ANXA3: variants seen among roughly 807,000 people sequenced by gnomAD.
The protein encoded by ANXA3 is annexin A3.
A neutral mutation model predicts 48.8 loss-of-function variants in ANXA3; 46 were observed. That is an observed-to-expected ratio of 0.94 (90% CI 0.74 to 1.21). The LOEUF (loss-of-function observed/expected upper bound fraction) is 1.21. ANXA3 is among the 50% of genes most tolerant of loss of function. ANXA3 has a pLI of 0.00. For missense variants in ANXA3, 383 were observed against 378.6 expected (o/e 1.01, Z -0.10); for synonymous variants, 128 against 134.7 (o/e 0.95, Z 0.35).
rs1160606186 is a variant in ANXA3 at position 78,591,604 on chromosome 4, C to T, written c.464C>T (p.Ala155Val). 1.2e-6 allele frequency: 2 copies of T among 1,613,402 alleles called. No homozygotes were observed. The highest frequency in any genetic ancestry group is 2.2e-5 in the South Asian group (2 of 91,022). Residue 155 changes from alanine to valine, a missense_variant, in exon 7 of 13, where the codon GCT (alanine) becomes GTT (valine). Coordinates refer to ENST00000264908, the MANE Select transcript of ANXA3 (RefSeq NM_005139.3). ...GAAACATCTGGTGACTTCCGGAAAG[C>T]TCTGTTGACTTTGGCAGATGTAAGG... ...SSETSGDFRKALLTLADGRRD... is the reference protein window; with the variant it reads ...SSETSGDFRKVLLTLADGRRD...
At chr4:78,555,588 CA>C (rs1237659307) in intron 2 of ANXA3, among the ~76,000 whole-genome samples, 1 of 151,794 alleles carries the variant, frequency 6.6e-6, no homozygotes. Context: ...CCTATAATCC[CA>C]GCATTTTGGG....
intron 2 of ANXA3, among the ~76,000 whole-genome samples, chr4:78,566,173 G>T (rs753182762): frequency 5.3e-5 from 8 of 152,084 alleles, no homozygotes; most frequent in Non-Finnish European, 1.2e-4. Context: ...AGGGGTCAAG[G>T]CTTCTTATTA....
At chr4:78,579,699 C>T (rs186213679) in intron 4 of ANXA3, among the ~76,000 whole-genome samples, 114 of 152,162 alleles carry the variant, frequency 7.5e-4, no homozygotes, top group Non-Finnish European at 1.4e-3. Flanking sequence ...GAGGCTGAGG[C>T]GGGTGGATCA....
intron 10 of ANXA3, among the ~76,000 whole-genome samples, chr4:78,598,333 C>T (rs976336005): frequency 1.3e-5 from 2 of 151,116 alleles, no homozygotes; most frequent in Non-Finnish European, 2.9e-5. Flanking sequence ...ACTCTGTCAC[C>T]CAGACTAGAG....
intron 8 of ANXA3, 83 bp downstream of exon 8, chr4:78,595,520 TAGC>T: frequency 2.1e-6 from 3 of 1,399,040 alleles, no homozygotes; most frequent in Non-Finnish European, 3.0e-6. Flanking sequence ...GGGAGAAAAA[TAGC>T]AGCAACAGGG....
chr4:78,597,040 CTATTTAGGCTATTTAAAA>C (rs1170734412), intron 9 of ANXA3: 5 of 241,336 alleles, frequency 2.1e-5, no homozygotes, highest in African/African-American at 4.7e-5. Flanking sequence ...TATTATTTAA[CTATTTAGGCTATTTAAAA>C]TGCTTACTGC....
At chr4:78,573,529 G>A (rs370895462) in intron 3 of ANXA3, among the ~76,000 whole-genome samples, 135 of 152,292 alleles carry the variant, frequency 8.9e-4, no homozygotes, top group African/African-American at 3.1e-3. Context: ...TCTCAACCCT[G>A]GCTGGTATCC....
chr4:78,569,843 C>T (rs1345563883), intron 2 of ANXA3, among the ~76,000 whole-genome samples: 1 of 152,204 alleles, frequency 6.6e-6, no homozygotes, highest in Non-Finnish European at 1.5e-5. Flanking sequence ...AGTCCTGGGG[C>T]TGTCCTTATT....
intron 7 of ANXA3, among the ~76,000 whole-genome samples, chr4:78,593,329 A>G (rs764419765): frequency 6.6e-5 from 10 of 151,816 alleles, no homozygotes; most frequent in Non-Finnish European, 1.2e-4. Context: ...CAGCCTCCCT[A>G]GCAGCTGGGA....
In ANXA3 at chr4:78,552,922, G is replaced by A. The variant is rs898070083; in HGVS notation, c.-39+1063G>A. On this transcript the variant is annotated intron_variant, in intron 1 of 12. Transcript: ENST00000264908. The stretch of plus-strand genomic sequence containing the variant: ...TAGAGAAACCTGTTTAGAAATAACC[G>A]TAGAGGAGGAAGTAAAAGGAAATGA... Among the ~76,000 whole-genome samples the A allele has an allele frequency of 1.1e-4, 17 of 152,170 alleles. 1 individual carries two copies. The highest frequency in any genetic ancestry group is 1.0e-3 in the South Asian group (5 of 4,830).
chr4:78,603,403 G>A (rs982454932), intron 11 of ANXA3: 1 of 152,092 alleles, frequency 6.6e-6, no homozygotes, highest in Non-Finnish European at 1.5e-5. Context: ...ATCCTGTAGC[G>A]ATACATCATT....
At chr4:78,571,857 G>T (rs1722847507) in intron 2 of ANXA3, among the ~76,000 whole-genome samples, 1 of 152,124 alleles carries the variant, frequency 6.6e-6, no homozygotes. Flanking sequence ...TTAGTAGTGT[G>T]GCATTTTTTA....
intron 9 of ANXA3, 80 bp from the exon 10 acceptor site, chr4:78,597,239 C>A: frequency 1.2e-6 from 1 of 857,346 alleles, no homozygotes; most frequent in East Asian, 2.7e-5. Context: ...TGATCTTCTG[C>A]ATATCAAATA....
chr4:78,594,990 T>A (rs971138411), intron 7 of ANXA3, among the ~76,000 whole-genome samples: 1 of 152,028 alleles, frequency 6.6e-6, no homozygotes, highest in African/African-American at 2.4e-5. Flanking sequence ...TTAAATTAGC[T>A]GTGTGTGGTG....
rs1419823500 is a variant in ANXA3, at chr4:78,610,296, T to C, written c.*181T>C. 2 of 430,688 alleles carry C rather than the reference T, an allele frequency of 4.6e-6. No homozygotes were observed. The highest frequency in any genetic ancestry group is 4.1e-6 in the Non-Finnish European group (1 of 240,998). The allele number at this position is 430,688 out of a possible 1,614,324, so 26.7% of individuals were successfully genotyped here. ...TTATTATTTTAGAGCATCTCATTTA[T>C]AATGTAGCAGCTCATAAATGAAATT... On this transcript the variant is annotated 3_prime_UTR_variant, in exon 13 of 13. Coordinates refer to ENST00000264908, the MANE Select transcript of ANXA3 (RefSeq NM_005139.3).
At chr4:78,587,197 C>T (rs190186713) in intron 6 of ANXA3, among the ~76,000 whole-genome samples, 7 of 152,230 alleles carry the variant, frequency 4.6e-5, no homozygotes, top group Non-Finnish European at 7.4e-5. Flanking sequence ...TTATTGGTAG[C>T]CTTAGTTTTT....
At chr4:78,581,495 T>C (rs1260978597) in intron 4 of ANXA3, among the ~76,000 whole-genome samples, 3 of 152,178 alleles carry the variant, frequency 2.0e-5, no homozygotes, top group Admixed American at 6.5e-5. Flanking sequence ...GGATATTGAA[T>C]ATTCCTAAAA....
intron 5 of ANXA3, among the ~76,000 whole-genome samples, chr4:78,584,774 G>A (rs1168571486): frequency 6.6e-6 from 1 of 152,216 alleles, no homozygotes; most frequent in Non-Finnish European, 1.5e-5. Context: ...TGATGTACAG[G>A]AGATTTATTT....
chr4:78,588,812 G>A (rs957296500), intron 6 of ANXA3, among the ~76,000 whole-genome samples: 2 of 152,170 alleles, frequency 1.3e-5, no homozygotes, highest in African/African-American at 2.4e-5. Context: ...CAGTACTGGT[G>A]GAACCTAATA....
Sources: gnomAD v4.1 joint callset for allele counts (sites outside exome capture counted in the v4.1 genomes callset) on GRCh38, gnomAD v4.1.1 for gene constraint, MANE v1.5 for transcripts, NCBI Gene and HGNC (gene_info 2026-07-23, HGNC 2026-07-21) for gene names.